Variants in FMO2 observed in about 807,000 individuals in gnomAD.
The protein encoded by FMO2 is flavin containing dimethylaniline monoxygenase 2, also known as flavin-containing monooxygenase 2.
FMO2 carries 33 observed loss-of-function variants against 41.6 expected under a neutral mutation model. The ratio of observed to expected loss-of-function variants is 0.79; its 90% confidence interval spans 0.60 to 1.06. FMO2 has a LOEUF of 1.06. Among genes scored for constraint, FMO2 ranks in the 50% least tolerant of loss-of-function variants. The pLI, the probability that FMO2 is intolerant of heterozygous loss-of-function variation, is 0.00. For synonymous variants in FMO2, 214 were observed against 219.6 expected (o/e 0.97, Z 0.23); for missense variants, 619 against 632.9 (o/e 0.98, Z 0.23).
chr1:171,200,825 A>C (rs975430816), intron 5 of FMO2, among the ~76,000 whole-genome samples: 1 of 152,226 alleles, frequency 6.6e-6, no homozygotes, highest in African/African-American at 2.4e-5. Context: ...GAGCTGGAAA[A>C]TGAGAGTACC....
At position 171,205,460 on chromosome 1, in the gene FMO2, T is replaced by C; in HGVS notation, c.1009T>C (p.Phe337Leu). ...FATGYSFSFP[F>L]LEDSLVKVEN... ...AACAGGATATAGTTTCTCTTTTCCC[T>C]TCCTTGAAGATTCACTCGTTAAAGT... The change falls in exon 7 of 9, where the codon TTC (phenylalanine) becomes CTC (leucine). Residue 337 changes from phenylalanine to leucine, a missense_variant. By Grantham distance (22) the Phe-to-Leu change is conservative (BLOSUM62 0). Coordinates refer to ENST00000209929, the MANE Select transcript of FMO2 (RefSeq NM_001460.5). 6.2e-7 allele frequency: 1 copy of C among 1,613,886 alleles called. No homozygotes were observed. The highest frequency in any genetic ancestry group is 8.5e-7 in the Non-Finnish European group (1 of 1,179,884).
chr1:171,192,497 G>A (rs576850507), intron 2 of FMO2, among the ~76,000 whole-genome samples: 6 of 152,142 alleles, frequency 3.9e-5, no homozygotes, highest in Admixed American at 2.6e-4. Flanking sequence ...CAAGCATGGT[G>A]GTGCCTGTAA....
intron 3 of FMO2, among the ~76,000 whole-genome samples, chr1:171,194,339 G>A (rs947496939): frequency 3.9e-5 from 6 of 152,034 alleles, no homozygotes; most frequent in African/African-American, 1.5e-4. Context: ...AAAAACACTT[G>A]GAATTACCTT....
intron 4 of FMO2, among the ~76,000 whole-genome samples, chr1:171,198,679 G>A (rs1165342634): frequency 1.3e-5 from 2 of 152,052 alleles, no homozygotes; most frequent in Non-Finnish European, 2.9e-5. Context: ...CCAAAGTGCT[G>A]GGATTACAGG....
In FMO2 at chr1:171,199,456, A is replaced by G; in HGVS notation, c.595A>G (p.Ile199Val). The G allele has an allele frequency of 1.2e-6, 2 of 1,612,372 alleles. No homozygotes were observed. The highest frequency in any genetic ancestry group is 1.7e-6 in the Non-Finnish European group (2 of 1,179,258). Residue 199 changes from isoleucine (I) to valine (V), a missense_variant, in exon 5 of 9, where the codon ATT becomes GTT. Physicochemically the swap from Ile to Val is conservative, Grantham distance 29. Transcript: ENST00000209929. The stretch of plus-strand genomic sequence containing the variant: ...TGGAATGGGAAACTCAGGCTCAGAT[A>G]TTGCTGTTGAGCTGAGTAAGAATGC... ...VIGMGNSGSDIAVELSKNAAQ... is the reference protein window; with the variant it reads ...VIGMGNSGSDVAVELSKNAAQ...
At chr1:171,207,033 A>G (rs1156820461) in intron 7 of FMO2, among the ~76,000 whole-genome samples, 2 of 152,184 alleles carry the variant, frequency 1.3e-5, no homozygotes, top group African/African-American at 4.8e-5. Flanking sequence ...GGGTGTGCAG[A>G]AAATGATGCA....
At position 171,196,796 on chromosome 1, in the gene FMO2, C is replaced by A. The variant is rs771779881; in HGVS notation, c.469C>A (p.Leu157Met). Residue 157 changes from leucine (L) to methionine (M), a missense_variant, in exon 4 of 9, where the codon CTG (leucine) becomes ATG (methionine). Coordinates refer to ENST00000209929, the MANE Select transcript of FMO2 (RefSeq NM_001460.5). Reference protein sequence around the residue: ...SGHHILPHIPLKSFPGMERFK... With the variant: ...SGHHILPHIPMKSFPGMERFK... ...CCACCACATTCTACCTCATATCCCACTGAAGTCATTTCCAGGTGAGACCCG... is the reference window on the plus strand; with the variant it reads ...CCACCACATTCTACCTCATATCCCAATGAAGTCATTTCCAGGTGAGACCCG... 1.9e-6 allele frequency: 3 copies of A among 1,613,166 alleles called. No individual in the cohort carries two copies. Among genetic ancestry groups the A allele is most frequent in the Non-Finnish European group, 2.5e-6 (3 of 1,179,622 alleles).
intron 5 of FMO2, among the ~76,000 whole-genome samples, chr1:171,201,543 C>G (rs540422262): frequency 6.6e-6 from 1 of 152,196 alleles, no homozygotes; most frequent in Non-Finnish European, 1.5e-5. Context: ...CTGAACTCAC[C>G]AAAATTCTGA....
At chr1:171,191,241 A>C (rs549584239) in intron 2 of FMO2, among the ~76,000 whole-genome samples, 1 of 152,302 alleles carries the variant, frequency 6.6e-6, no homozygotes, top group East Asian at 1.9e-4. Context: ...CCCAAAGGCC[A>C]GTTTTGCCCT....
chr1:171,186,712 A>G (rs1178912878), intron 2 of FMO2, among the ~76,000 whole-genome samples: 1 of 152,152 alleles, frequency 6.6e-6, no homozygotes, highest in Non-Finnish European at 1.5e-5. Context: ...TGGGGACACA[A>G]AGCCAAACCA....
At chr1:171,201,597 C>G (rs563818840) in intron 5 of FMO2, among the ~76,000 whole-genome samples, 1 of 152,296 alleles carries the variant, frequency 6.6e-6, no homozygotes, top group South Asian at 2.1e-4. Context: ...CATAAGGATA[C>G]AGCACCCTCT....
chr1:171,196,841 G>A, intron 4 of FMO2, 30 bp downstream of exon 4: 1 of 1,602,804 alleles, frequency 6.2e-7, no homozygotes, highest in Non-Finnish European at 8.5e-7. Context: ...CCAGCTTTTT[G>A]GAGTAGGTTT....
At position 171,208,857 on chromosome 1, in the gene FMO2, C is replaced by T; in HGVS notation, c.1320C>T (p.Ala440=). ...TNYVDYLDEL[A]LEIGAKPDFC... ...ATGTTGACTACTTGGACGAGCTCGC[C>T]TTAGAGATAGGTGCGAAGCCAGATT... The change falls in exon 9 of 9, where the codon GCC becomes GCT. Residue 440 remains alanine (A), a synonymous_variant. Transcript: ENST00000209929. 6.2e-7 allele frequency: 1 copy of T among 1,613,992 alleles called. No individual in the cohort carries two copies. The highest frequency in any genetic ancestry group is 8.5e-7 in the Non-Finnish European group (1 of 1,179,890).
At chr1:171,208,635 C>A (rs1387481745) in intron 8 of FMO2, among the ~76,000 whole-genome samples, 159 bp from the exon 9 acceptor site, 1 of 152,120 alleles carries the variant, frequency 6.6e-6, no homozygotes, top group Non-Finnish European at 1.5e-5. Flanking sequence ...GAGATATGAG[C>A]CTCCTGGTAT....
chr1:171,196,235 T>G (rs1658306592), intron 3 of FMO2, among the ~76,000 whole-genome samples: 1 of 152,208 alleles, frequency 6.6e-6, no homozygotes, highest in Non-Finnish European at 1.5e-5. Context: ...TGTTTTGAAA[T>G]AATTATATAA....
chr1:171,188,029 AATTTTTTTTT>A (rs199964401), intron 2 of FMO2, among the ~76,000 whole-genome samples: 15,567 of 129,604 alleles, frequency 0.12, 1,471 homozygotes, highest in African/African-American at 0.3. Flanking sequence ...TTTCAGCTGG[AATTTTTTTTT>A]TTTTTTTTTT....
rs780375559 is a variant in FMO2, at chr1:171,199,392, G to C, written c.531G>C (p.Lys177Asn). Residue 177 changes from lysine (K) to asparagine (N), a missense_variant, in exon 5 of 9, where the codon AAG (lysine) becomes AAC (asparagine). Physicochemically the swap from Lys to Asn is moderately conservative, Grantham distance 94 (BLOSUM62 0). Transcript: ENST00000209929. ...KGQYFHSRQY[K>N]HPDGFEGKRI... Reference sequence around the variant, plus strand: ...AATATTTCCATAGCCGCCAATACAAGCATCCAGATGGATTTGAGGGAAAAC... The same window carrying C: ...AATATTTCCATAGCCGCCAATACAACCATCCAGATGGATTTGAGGGAAAAC... The C allele has an allele frequency of 1.9e-6, 3 of 1,611,508 alleles. No homozygotes were observed. In the South Asian group the frequency reaches 3.3e-5, roughly 18 times the overall value.
chr1:171,204,729 T>C (rs181322993), intron 6 of FMO2, among the ~76,000 whole-genome samples: 102 of 152,166 alleles, frequency 6.7e-4, no homozygotes, highest in Admixed American at 1.5e-3. Context: ...ACAAAAAAAA[T>C]AAGCGGACTT....
chr1:171,187,920 T>A (rs947389078), intron 2 of FMO2, among the ~76,000 whole-genome samples: 2 of 152,172 alleles, frequency 1.3e-5, no homozygotes, highest in African/African-American at 4.8e-5. Flanking sequence ...AAGCTGATGA[T>A]TAATATCATT....
Sources: gnomAD v4.1 joint callset for allele counts (sites outside exome capture counted in the v4.1 genomes callset) on GRCh38, gnomAD v4.1.1 for gene constraint, MANE v1.5 for transcripts, NCBI Gene and HGNC (gene_info 2026-07-23, HGNC 2026-07-21) for gene names.